Variants in PCLO observed in about 807,000 individuals in gnomAD.
PCLO encodes piccolo presynaptic cytomatrix protein.
In PCLO, 82 loss-of-function variants were observed where a neutral mutation model predicts 427.5. The observed-to-expected ratio is 0.19, with a 90% CI of 0.16 to 0.23. The LOEUF (loss-of-function observed/expected upper bound fraction) is 0.23. Among genes scored for constraint, PCLO ranks in the 10% least tolerant of loss-of-function variants. The pLI is 1.00. For synonymous variants in PCLO, 2,357 were observed against 2,155.4 expected, an observed-to-expected ratio of 1.09 and a Z score of -2.59; for missense variants, 6,239 against 6,115.9, an observed-to-expected ratio of 1.02 and a Z score of -0.67.
At chr7:83,057,350 T>TATATA (rs1789422346) in intron 3 of PCLO, among the ~76,000 whole-genome samples, 4 of 26,522 alleles carry the variant, frequency 1.5e-4, no homozygotes, top group Non-Finnish European at 2.1e-4. Context: ...ATATATATAT[T>TATATA]TTTTTTTTTT....
intron 20 of PCLO, among the ~76,000 whole-genome samples, chr7:82,815,538 C>G (rs1394832768): frequency 6.6e-6 from 1 of 151,958 alleles, no homozygotes; most frequent in Admixed American, 6.6e-5. Flanking sequence ...ACAGTGTGAT[C>G]TATAGAACTT....
At chr7:82,848,325 T>TTTC (rs1408848490) in intron 10 of PCLO, among the ~76,000 whole-genome samples, 2 of 147,618 alleles carry the variant, frequency 1.4e-5, no homozygotes, top group Non-Finnish European at 3.0e-5. Flanking sequence ...TTTTTTTTTT[T>TTTC]TTTTTAAACA....
In PCLO at chr7:82,966,154, T is replaced by C. The variant is rs1795766989; in HGVS notation, c.3634A>G (p.Lys1212Glu). The C allele has an allele frequency of 3.7e-6, 6 of 1,609,028 alleles. No homozygotes were observed. The East Asian group carries it at 1.3e-4, about 36-fold the overall frequency. ...KDKASALQEK[K>E]PLPEEKKLIP... is the part of the protein sequence containing the mutation. ...AGTTTTTTTTCTTCAGGGAGTGGCT[T>C]TTTTTCTTGAAGAGCTGAAGCTTTG... is the stretch of plus-strand genomic sequence containing the variant. Residue 1212 changes from lysine to glutamate, a missense_variant, in exon 4 of 25, where the codon AAG becomes GAG. This residue lies in a region of PCLO where 4,677 missense variants were observed against 4,468.4 expected (regional missense o/e 1.05). Coordinates refer to ENST00000333891, the MANE Select transcript of PCLO (RefSeq NM_033026.6).
At chr7:82,938,514 C>T (rs533802931) in intron 6 of PCLO, among the ~76,000 whole-genome samples, 42 of 151,946 alleles carry the variant, frequency 2.8e-4, no homozygotes, top group South Asian at 1.5e-3. Flanking sequence ...TTTGTAGTCC[C>T]TATTTCAAAA....
intron 2 of PCLO, among the ~76,000 whole-genome samples, chr7:83,148,214 C>G (rs1296721252): frequency 6.6e-6 from 1 of 152,058 alleles, no homozygotes; most frequent in Non-Finnish European, 1.5e-5. Context: ...ATTTTAGTCA[C>G]CATTAAAAAT....
chr7:82,758,453 T>C lies in PCLO; in HGVS notation c.*122A>G. ...ATGTACAAGGTCTTAAGTATGTTTTTGCTTGTTGTTCCCACTCTTATGTTT... is the reference window on the plus strand; with the variant it reads ...ATGTACAAGGTCTTAAGTATGTTTTCGCTTGTTGTTCCCACTCTTATGTTT... On this transcript the variant is annotated 3_prime_UTR_variant, in exon 25 of 25. Coordinates refer to ENST00000333891, the MANE Select transcript of PCLO (RefSeq NM_033026.6). 1 of 691,764 alleles carries C rather than the reference T, an allele frequency of 1.4e-6. No homozygotes were observed. The highest frequency in any genetic ancestry group is 2.3e-6 in the Non-Finnish European group (1 of 426,852). The allele number at this position is 691,764 out of a possible 1,614,324, so 42.9% of individuals were successfully genotyped here.
At chr7:82,901,629 T>G (rs1188453150) in intron 9 of PCLO, among the ~76,000 whole-genome samples, 1 of 151,866 alleles carries the variant, frequency 6.6e-6, no homozygotes, top group Non-Finnish European at 1.5e-5. Context: ...ACCATCAGAG[T>G]GAACAGGCAA....
At chr7:82,866,695 C>CACAA (rs1793103079) in intron 10 of PCLO, among the ~76,000 whole-genome samples, 3 of 149,188 alleles carry the variant, frequency 2.0e-5, no homozygotes, top group African/African-American at 7.5e-5. Context: ...CACACACACA[C>CACAA]ACCCCTTTAA....
intron 9 of PCLO, among the ~76,000 whole-genome samples, chr7:82,887,037 G>T (rs779746936): frequency 3.6e-4 from 55 of 152,106 alleles, no homozygotes; most frequent in Non-Finnish European, 4.3e-4. Context: ...TGTCTTCAGG[G>T]ATGGAAGAAA....
chr7:82,812,161 G>A (rs1352208436), intron 20 of PCLO, among the ~76,000 whole-genome samples: 7 of 151,236 alleles, frequency 4.6e-5, no homozygotes, highest in African/African-American at 7.3e-5. Context: ...ATGCACATTG[G>A]CCTTATGACT....
chr7:82,996,123 AT>A (rs1258455798), intron 3 of PCLO, among the ~76,000 whole-genome samples: 1 of 151,856 alleles, frequency 6.6e-6, no homozygotes, highest in Non-Finnish European at 1.5e-5. Context: ...TAAGAAATGA[AT>A]GTCAAAAATA....
Position 82,909,012 on chromosome 7 carries a change from G to A in PCLO, c.13302C>T (p.Ala4434=). The change falls in exon 8 of 25, where the codon GCC becomes GCT. Residue 4434 remains alanine, a splice_region_variant and synonymous_variant. Transcript: ENST00000333891. Reference sequence around the variant, plus strand: ...CTGTTTCCTCACGACGCAGATGATAGGCTTTGGACACCAAGGAAACATCAT... The same window carrying A: ...CTGTTTCCTCACGACGCAGATGATAAGCTTTGGACACCAAGGAAACATCAT... ...DFQHAMSDSE[A]YHLRREETDW... is the part of the protein sequence containing the mutation. 1 of 1,612,142 alleles carries A rather than the reference G, an allele frequency of 6.2e-7. No homozygotes were observed. The highest frequency in any genetic ancestry group is 8.5e-7 in the Non-Finnish European group (1 of 1,178,912).
intron 3 of PCLO, among the ~76,000 whole-genome samples, chr7:83,051,722 A>G (rs2116267214): frequency 6.6e-6 from 1 of 152,280 alleles, no homozygotes; most frequent in Non-Finnish European, 1.5e-5. Context: ...TTGTATGGAA[A>G]AGCAAATGAC....
rs966728230 is a variant in PCLO at position 82,950,029 on chromosome 7, G to C, written c.10559C>G (p.Thr3520Arg). The C allele has an allele frequency of 6.2e-7, 1 of 1,612,962 alleles. No homozygotes were observed. Among genetic ancestry groups the C allele is most frequent in the Non-Finnish European group, 8.5e-7 (1 of 1,179,722 alleles). ...LSKVSSIAVQ[T>R]VAEISVQTEP... ...AGTTTGCACAGATATCTCTGCTACC[G>C]TTTGAACTGCTATGCTGGAGACTTT... is the stretch of plus-strand genomic sequence containing the variant. The change falls in exon 6 of 25, where the codon ACG (threonine) becomes AGG (arginine). Residue 3520 changes from threonine to arginine, a missense_variant. Around this residue, in one of 5 missense-constraint regions of PCLO, gnomAD observed 4,677 missense variants for 4,468.4 expected, o/e 1.05. Transcript: ENST00000333891.
chr7:83,115,533 C>A (rs1352313935), intron 3 of PCLO, among the ~76,000 whole-genome samples: 1 of 151,976 alleles, frequency 6.6e-6, no homozygotes, highest in Non-Finnish European at 1.5e-5. Context: ...AATGGAAATG[C>A]TTTAAACGAA....
At chr7:83,107,316 T>C (rs1460687061) in intron 3 of PCLO, among the ~76,000 whole-genome samples, 3 of 152,160 alleles carry the variant, frequency 2.0e-5, no homozygotes, top group Non-Finnish European at 4.4e-5. Context: ...GAGTTAAGTG[T>C]TGTAAGGAAC....
rs748178959 is a variant in PCLO at position 82,951,260 on chromosome 7, T to C, written c.9328A>G (p.Ile3110Val). The change falls in exon 6 of 25, where the codon ATT becomes GTT. Residue 3110 changes from isoleucine to valine, a missense_variant. Physicochemically the swap from Ile to Val is conservative, Grantham distance 29. Around this residue, in one of 5 missense-constraint regions of PCLO, gnomAD observed 4,677 missense variants for 4,468.4 expected, o/e 1.05. Coordinates refer to ENST00000333891, the MANE Select transcript of PCLO (RefSeq NM_033026.6). ...TFAITTQPGS[I>V]FSTTVRDLSG... ...AAATCCCTCACTGTGGTGCTGAAAA[T>C]GGAGCCAGGTTGTGTGGTGATAGCA... 1 of 1,613,422 alleles carries C rather than the reference T, an allele frequency of 6.2e-7. No individual in the cohort carries two copies. Among genetic ancestry groups the C allele is most frequent in the Non-Finnish European group, 8.5e-7 (1 of 1,179,726 alleles).
intron 22 of PCLO, among the ~76,000 whole-genome samples, chr7:82,771,609 C>T (rs1190083937): frequency 6.6e-6 from 1 of 151,946 alleles, no homozygotes; most frequent in Non-Finnish European, 1.5e-5. Context: ...TTACTACCCT[C>T]ACTTTAAAAA....
At chr7:83,086,773 A>C (rs1425038606) in intron 3 of PCLO, among the ~76,000 whole-genome samples, 1 of 152,160 alleles carries the variant, frequency 6.6e-6, no homozygotes, top group African/African-American at 2.4e-5. Context: ...TTACTCATCA[A>C]AATCTTGTTT....
Sources: allele counts gnomAD v4.1 joint callset (sites outside exome capture counted in the v4.1 genomes callset), GRCh38; gene constraint gnomAD v4.1.1; regional missense constraint gnomAD v4.1.1; transcripts MANE v1.5; gene names NCBI Gene and HGNC (gene_info 2026-07-23, HGNC 2026-07-21).